Variants in IGF2BP2 observed in about 807,000 individuals in gnomAD.
IGF2BP2 encodes insulin-like growth factor 2 mRNA-binding protein 2.
A neutral mutation model predicts 75.8 loss-of-function variants in IGF2BP2; 17 were observed. The observed-to-expected ratio is 0.22, with a 90% confidence interval of 0.15 to 0.34. IGF2BP2 has a LOEUF of 0.34. IGF2BP2 is among the 10% of genes least tolerant of loss of function. The pLI, the probability that IGF2BP2 is intolerant of heterozygous loss-of-function variation, is 1.00. For missense variants in IGF2BP2, 516 were observed against 772.4 expected (o/e 0.67, Z 3.93); for synonymous variants, 288 against 295.6 (o/e 0.97, Z 0.26).
intron 2 of IGF2BP2, among the ~76,000 whole-genome samples, chr3:185,744,885 G>C (rs952853321): frequency 5.9e-5 from 9 of 152,038 alleles, no homozygotes; most frequent in Non-Finnish European, 1.2e-4. Context: ...GTTTTCATAC[G>C]GCATTAAAAA....
intron 7 of IGF2BP2, among the ~76,000 whole-genome samples, chr3:185,683,359 C>A (rs1720663449): frequency 6.6e-6 from 1 of 151,940 alleles, no homozygotes; most frequent in Admixed American, 6.6e-5. Flanking sequence ...TGTTTCACAG[C>A]AATGTGAATA....
chr3:185,798,068 G>A (rs1172297716), intron 2 of IGF2BP2, among the ~76,000 whole-genome samples: 2 of 152,022 alleles, frequency 1.3e-5, no homozygotes, highest in Admixed American at 6.6e-5. Context: ...AGGGGTGGTG[G>A]TGCCCACCTG....
At chr3:185,755,655 G>T (rs531810264) in intron 2 of IGF2BP2, among the ~76,000 whole-genome samples, 7 of 152,206 alleles carry the variant, frequency 4.6e-5, no homozygotes, top group Admixed American at 4.6e-4. Context: ...TCAAGATGTG[G>T]GACATGGAGT....
chr3:185,673,496 T>C (rs1398338703), intron 9 of IGF2BP2, among the ~76,000 whole-genome samples: 2 of 152,198 alleles, frequency 1.3e-5, no homozygotes, highest in Non-Finnish European at 2.9e-5. Context: ...TTTGTGATCA[T>C]CTTGCTTGCT....
At chr3:185,807,644 T>C (rs1739197853) in intron 2 of IGF2BP2, among the ~76,000 whole-genome samples, 1 of 152,222 alleles carries the variant, frequency 6.6e-6, no homozygotes, top group Non-Finnish European at 1.5e-5. Flanking sequence ...TCCTTTCCCA[T>C]AGAGTATGGG....
At chr3:185,791,521 G>A (rs1395230860) in intron 2 of IGF2BP2, among the ~76,000 whole-genome samples, 1 of 152,176 alleles carries the variant, frequency 6.6e-6, no homozygotes, top group Non-Finnish European at 1.5e-5. Context: ...AGGATCTCTG[G>A]GCGTGTCCTC....
chr3:185,656,168 G>A (rs976704153), intron 12 of IGF2BP2, among the ~76,000 whole-genome samples: 1 of 152,232 alleles, frequency 6.6e-6, no homozygotes, highest in African/African-American at 2.4e-5. Context: ...AGCCAGCCAG[G>A]GGGTCTTCCA....
chr3:185,720,930 A>C (rs1197163457), intron 2 of IGF2BP2, among the ~76,000 whole-genome samples: 1 of 152,204 alleles, frequency 6.6e-6, no homozygotes, highest in African/African-American at 2.4e-5. Context: ...AGACACAGGG[A>C]AACGTCCTTC....
chr3:185,771,128 G>A (rs1461989971), intron 2 of IGF2BP2, among the ~76,000 whole-genome samples: 1 of 152,210 alleles, frequency 6.6e-6, no homozygotes. Context: ...GGGACAAGGA[G>A]GCCTACAAAA....
At position 185,677,044 on chromosome 3, in the gene IGF2BP2, G is replaced by GATGTATATTTATATATATATAT. The variant is rs1553855666; in HGVS notation, c.813-1132_813-1131insATATATATATATAAATATACAT. 1.7e-4 allele frequency among the ~76,000 whole-genome samples: 4 copies of GATGTATATTTATATATATATAT among 23,866 alleles called. 1 individual carries two copies. Among genetic ancestry groups the GATGTATATTTATATATATATAT allele is most frequent in the Non-Finnish European group, 2.6e-4 (4 of 15,346 alleles). The allele number at this position is 23,866 out of a possible 152,430, so 15.7% of individuals were successfully genotyped here. On this transcript the variant is annotated intron_variant, in intron 7 of 15. Transcript: ENST00000382199. ...GGAGAGAGATATATATATATATGGA[G>GATGTATATTTATATATATATAT]ATATATATATATATATATATATATA...
At chr3:185,650,585 G>A (rs535577185) in intron 13 of IGF2BP2, among the ~76,000 whole-genome samples, 3 of 151,704 alleles carry the variant, frequency 2.0e-5, no homozygotes, top group Non-Finnish European at 4.4e-5. Context: ...GTTGAAGCAC[G>A]ACAATCACTT....
intron 2 of IGF2BP2, among the ~76,000 whole-genome samples, chr3:185,770,194 C>T (rs144971837): frequency 6.6e-6 from 1 of 152,264 alleles, no homozygotes; most frequent in Non-Finnish European, 1.5e-5. Flanking sequence ...GATGTGGTGG[C>T]GGGCGTGTAA....
chr3:185,724,021 G>A (rs764963102), intron 2 of IGF2BP2, among the ~76,000 whole-genome samples: 9 of 152,156 alleles, frequency 5.9e-5, no homozygotes, highest in African/African-American at 1.7e-4. Flanking sequence ...GACAAATTTC[G>A]GTAACTCTAC....
chr3:185,657,926 A>G (rs1368778697), intron 11 of IGF2BP2, among the ~76,000 whole-genome samples: 1 of 152,200 alleles, frequency 6.6e-6, no homozygotes, highest in Non-Finnish European at 1.5e-5. Context: ...ACCCTGTGAC[A>G]AAAGGCAGAG....
rs1712995560 is a variant in IGF2BP2, at chr3:185,643,593, T to C, written c.*1938A>G. 6.6e-6 allele frequency: 1 copy of C among 152,276 alleles called. No homozygotes were observed. Among genetic ancestry groups the C allele is most frequent in the Admixed American group, 6.6e-5 (1 of 15,258 alleles). 9.4% of individuals were successfully genotyped at this position (152,276 alleles called of 1,614,324 possible). Reference sequence around the variant, plus strand: ...CTAGTTTAGCTTCTCCCAAAGACTTTCCTGGGCAAAACCAGCTTTCTCAGA... The same window carrying C: ...CTAGTTTAGCTTCTCCCAAAGACTTCCCTGGGCAAAACCAGCTTTCTCAGA... On this transcript the variant is annotated 3_prime_UTR_variant, in exon 16 of 16. Coordinates refer to ENST00000382199, the MANE Select transcript of IGF2BP2 (RefSeq NM_006548.6).
At chr3:185,804,255 C>CAAAA (rs71164543) in intron 2 of IGF2BP2, among the ~76,000 whole-genome samples, 1 of 89,508 alleles carries the variant, frequency 1.1e-5, no homozygotes, top group Non-Finnish European at 2.3e-5. Context: ...GACTACGTCT[C>CAAAA]AAAAAAAAAA....
At chr3:185,731,447 T>G (rs1728160918) in intron 2 of IGF2BP2, among the ~76,000 whole-genome samples, 1 of 151,754 alleles carries the variant, frequency 6.6e-6, no homozygotes, top group Non-Finnish European at 1.5e-5. Context: ...GAGATGAGGT[T>G]TCACCATGTT....
intron 10 of IGF2BP2, among the ~76,000 whole-genome samples, chr3:185,660,547 A>G (rs906202775): frequency 7.9e-5 from 12 of 152,184 alleles, no homozygotes; most frequent in African/African-American, 2.9e-4. Flanking sequence ...AGCTCCACTT[A>G]ACACGGCTGT....
At chr3:185,794,086 C>T (rs1414421011) in intron 2 of IGF2BP2, among the ~76,000 whole-genome samples, 2 of 151,444 alleles carry the variant, frequency 1.3e-5, no homozygotes, top group Non-Finnish European at 2.9e-5. Flanking sequence ...GCCTCTCAAG[C>T]AGCTGAGACT....
Sources: gnomAD v4.1 joint callset for allele counts (sites outside exome capture counted in the v4.1 genomes callset) on GRCh38, gnomAD v4.1.1 for gene constraint, MANE v1.5 for transcripts, NCBI Gene and HGNC (gene_info 2026-07-23, HGNC 2026-07-21) for gene names.